ATP7A: variants seen among roughly 807,000 people sequenced by gnomAD.
ATP7A encodes the protein ATPase copper transporting alpha, also known as copper-transporting ATPase 1.
A neutral mutation model predicts 83.5 loss-of-function variants in ATP7A; 7 were observed. That is an observed-to-expected ratio of 0.08 (90% CI 0.05 to 0.16). ATP7A has a LOEUF of 0.16. ATP7A is among the 10% of genes least tolerant of loss of function. The pLI is 1.00. For missense variants in ATP7A, 940 were observed against 1,120.8 expected (o/e 0.84, Z 2.30); for synonymous variants, 354 against 395.2 (o/e 0.90, Z 1.24).
chrX:78,031,842 G>T (rs782638556), intron 16 of ATP7A, among the ~76,000 whole-genome samples: 1 of 111,921 alleles, frequency 8.9e-6, no homozygotes, highest in Admixed American at 9.5e-5. Flanking sequence ...ACATATTTGT[G>T]GTAGGACAAT....
At chrX:77,948,765 A>G (rs193211582) in intron 1 of ATP7A, among the ~76,000 whole-genome samples, 1,455 of 112,170 alleles carry the variant, frequency 0.013, 12 homozygotes, top group Non-Finnish European at 0.019. Flanking sequence ...GAAACATGGT[A>G]GAAACTCTCT....
intron 21 of ATP7A, 30 bp downstream of exon 21, chrX:78,043,464 T>C: frequency 9.4e-7 from 1 of 1,068,299 alleles, no homozygotes; most frequent in East Asian, 3.0e-5. Flanking sequence ...TACTGCTTTT[T>C]CCACTAAAGT....
At chrX:77,993,834 A>AT (rs2077683646) in intron 4 of ATP7A, among the ~76,000 whole-genome samples, 1 of 111,581 alleles carries the variant, frequency 9.0e-6, no homozygotes, top group African/African-American at 3.2e-5. Context: ...TGCCTAAAGC[A>AT]TTTTTCAGAA....
At position 78,046,902 on chromosome X, in the gene ATP7A, C is replaced by A. The variant is rs1603391769; in HGVS notation, c.*332C>A. 10 of 179,293 alleles carry A rather than the reference C, an allele frequency of 5.6e-5. No homozygotes were observed. The highest frequency in any genetic ancestry group is 1.5e-4 in the South Asian group (1 of 6,753). The allele number at this position is 179,293 out of a possible 1,213,427, so 14.8% of individuals were successfully genotyped here. A position where few individuals can be genotyped will look rare whatever the true frequency, so the allele number is the denominator to read the frequency against. Reference sequence around the variant, plus strand: ...TTTTATTTGACCAAAAAAAAAAAGGCCCAAGAAGAAGAAAATGAAAAATTT... The same window carrying A: ...TTTTATTTGACCAAAAAAAAAAAGGACCAAGAAGAAGAAAATGAAAAATTT... On this transcript the variant is annotated 3_prime_UTR_variant, in exon 23 of 23. Transcript: ENST00000341514.
chrX:77,946,768 T>C (rs2077382530), intron 1 of ATP7A, among the ~76,000 whole-genome samples: 1 of 103,799 alleles, frequency 9.6e-6, no homozygotes, highest in Non-Finnish European at 2.0e-5. Flanking sequence ...AAATATCAAG[T>C]GTTGGCGAGA....
rs782149834 is a variant in ATP7A, at chrX:78,013,169, AT to A, written c.2406+63del. The A allele has an allele frequency of 2.9e-6, 3 of 1,022,361 alleles. 1 individual carries two copies. The African/African-American group carries it at 5.6e-5, about 19-fold the overall frequency. 84.3% of individuals were successfully genotyped at this position (1,022,361 alleles called of 1,213,427 possible). ...TGTTGGGTGGATAAATGACCTTAGT[AT>A]TTTTTAGGCCAATCATTGGAAATAC... is the stretch of plus-strand genomic sequence containing the variant. On this transcript the variant is annotated intron_variant, in intron 10 of 22. Coordinates refer to ENST00000341514, the MANE Select transcript of ATP7A (RefSeq NM_000052.7).
chrX:77,929,849 C>T lies in ATP7A; in HGVS notation c.-22+19014C>T, dbSNP rs6649958. 1.4e-3 allele frequency among the ~76,000 whole-genome samples: 151 copies of T among 111,008 alleles called. No homozygotes were observed. In the East Asian group the frequency reaches 0.032, roughly 23 times the overall value. On this transcript the variant is annotated intron_variant, in intron 1 of 22. Coordinates refer to ENST00000341514, the MANE Select transcript of ATP7A (RefSeq NM_000052.7). ...AATCATCTTCTATTTTAAAAATCTGCGTCTGAAAGAATAACATTATAAAAG... is the reference window on the plus strand; with the variant it reads ...AATCATCTTCTATTTTAAAAATCTGTGTCTGAAAGAATAACATTATAAAAG...
chrX:77,920,394 T>G (rs1184471121), intron 1 of ATP7A, among the ~76,000 whole-genome samples: 4 of 109,842 alleles, frequency 3.6e-5, no homozygotes, highest in Non-Finnish European at 7.6e-5. Flanking sequence ...TTTTTTTGTA[T>G]TTTTAGTAGA....
At chrX:77,979,280 A>G (rs1285349010) in intron 2 of ATP7A, among the ~76,000 whole-genome samples, 2 of 111,713 alleles carry the variant, frequency 1.8e-5, no homozygotes, top group East Asian at 5.5e-4. Context: ...CTCTTTCTAG[A>G]CATCATATAG....
chrX:77,987,632 A>C (rs1411621824), intron 2 of ATP7A, among the ~76,000 whole-genome samples: 3 of 111,274 alleles, frequency 2.7e-5, no homozygotes, highest in African/African-American at 9.8e-5. Context: ...CTTATTTTGA[A>C]CAAAATTAAT....
chrX:78,014,510 T>C, intron 10 of ATP7A, 152 bp from the exon 11 acceptor site: 1 of 390,956 alleles, frequency 2.6e-6, no homozygotes, highest in Non-Finnish European at 4.4e-6. Flanking sequence ...ATTCAAACAT[T>C]TTGAAGTGAA....
intron 1 of ATP7A, among the ~76,000 whole-genome samples, chrX:77,920,428 A>G (rs1435920348): frequency 1.8e-5 from 2 of 109,786 alleles, no homozygotes; most frequent in African/African-American, 6.6e-5. Context: ...CATGTTAGCC[A>G]GGATGGTCTT....
intron 13 of ATP7A, 78 bp downstream of exon 13, chrX:78,020,476 G>A (rs782119226): frequency 1.2e-5 from 14 of 1,121,444 alleles, no homozygotes; most frequent in Admixed American, 6.7e-5. Flanking sequence ...TAGTTTTTAC[G>A]TTTTCCAATA....
chrX:78,048,815 T>A lies in ATP7A; in HGVS notation c.*2245T>A, dbSNP rs1176696579. Reference sequence around the variant, plus strand: ...ACTTGTTTCTTCTAGAAGACAGAGCTGATAGGGTAAATGTTGAAAAAAGAA... The same window carrying A: ...ACTTGTTTCTTCTAGAAGACAGAGCAGATAGGGTAAATGTTGAAAAAAGAA... On this transcript the variant is annotated 3_prime_UTR_variant, in exon 23 of 23. Transcript: ENST00000341514. The A allele has an allele frequency of 1.8e-5, 2 of 111,134 alleles. No homozygotes were observed. Among genetic ancestry groups the A allele is most frequent in the Non-Finnish European group, 3.8e-5 (2 of 53,090 alleles). The allele number at this position is 111,134 out of a possible 1,213,427, so 9.2% of individuals were successfully genotyped here. A position where few individuals can be genotyped will look rare whatever the true frequency, so the allele number is the denominator to read the frequency against.
chrX:77,966,752 G>A (rs782549413), intron 1 of ATP7A: 20 of 328,362 alleles, frequency 6.1e-5, no homozygotes, highest in Non-Finnish European at 1.0e-4. Flanking sequence ...AAAAAGTACT[G>A]AACTGGATAC....
At chrX:77,943,724 C>G (rs1557225887) in intron 1 of ATP7A, among the ~76,000 whole-genome samples, 1 of 112,036 alleles carries the variant, frequency 8.9e-6, no homozygotes, top group Non-Finnish European at 1.9e-5. Flanking sequence ...CTTCTAGACC[C>G]TTTACTAGTC....
chrX:77,993,794 C>T (rs1454851169), intron 4 of ATP7A, among the ~76,000 whole-genome samples: 1 of 111,327 alleles, frequency 9.0e-6, no homozygotes, highest in Non-Finnish European at 1.9e-5. Flanking sequence ...TGTGTAAGTA[C>T]ACTCTATGAT....
chrX:77,990,326 G>T (rs781795033), intron 4 of ATP7A, among the ~76,000 whole-genome samples: 8 of 111,989 alleles, frequency 7.1e-5, no homozygotes, highest in Non-Finnish European at 1.1e-4. Flanking sequence ...ATTTTATAAA[G>T]AAATGTATCT....
intron 4 of ATP7A, among the ~76,000 whole-genome samples, chrX:77,997,154 G>C (rs1404560363): frequency 1.8e-5 from 2 of 111,963 alleles, no homozygotes; most frequent in East Asian, 5.6e-4. Context: ...ACTTGTACAC[G>C]TACCTCCTGA....
Sources: gnomAD v4.1 joint callset for allele counts (sites outside exome capture counted in the v4.1 genomes callset) on GRCh38, gnomAD v4.1.1 for gene constraint, MANE v1.5 for transcripts, NCBI Gene and HGNC (gene_info 2026-07-23, HGNC 2026-07-21) for gene names.